Variants in GDAP1L1 observed in about 807,000 individuals in gnomAD.
GDAP1L1 encodes the protein ganglioside-induced differentiation-associated protein 1-like 1.
GDAP1L1 carries 21 observed loss-of-function variants against 37.1 expected under a neutral mutation model. The observed-to-expected ratio is 0.57, with a 90% CI of 0.40 to 0.81. The LOEUF is 0.81. Among genes scored for constraint, GDAP1L1 ranks in the 40% least tolerant of loss-of-function variants. The pLI, the probability that GDAP1L1 is intolerant of heterozygous loss-of-function variation, is 0.00. For missense variants in GDAP1L1, 362 were observed against 491.6 expected (o/e 0.74, Z 2.49); for synonymous variants, 193 against 209.1 (o/e 0.92, Z 0.67).
intron 2 of GDAP1L1, 64 bp downstream of exon 2, chr20:44,257,409 C>T (rs2073579580): frequency 1.4e-6 from 2 of 1,454,532 alleles, no homozygotes; most frequent in Admixed American, 3.9e-5. Context: ...TCCCCACAGG[C>T]TCAGACGGGG....
intron 1 of GDAP1L1, among the ~76,000 whole-genome samples, chr20:44,252,373 C>G (rs930424802): frequency 3.5e-4 from 54 of 152,148 alleles, no homozygotes; most frequent in Admixed American, 3.0e-3. Context: ...GGCGTGGTGG[C>G]TCGCGCCTGT....
At chr20:44,269,945 G>C (rs1186860872) in intron 5 of GDAP1L1, among the ~76,000 whole-genome samples, 3 of 152,148 alleles carry the variant, frequency 2.0e-5, no homozygotes, top group Admixed American at 6.5e-5. Flanking sequence ...ACCCAAGAGA[G>C]AATGTCACAG....
rs565291160 is a variant in GDAP1L1 at position 44,265,560 on chromosome 20, T to C, written c.760+1001T>C. ...ACTTGAAATAGAGTTCCAGCTTTGC[T>C]GCCTCAAATATGTAACCTTGGACAA... On this transcript the variant is annotated intron_variant, in intron 5 of 5. Coordinates refer to ENST00000342560, the MANE Select transcript of GDAP1L1 (RefSeq NM_024034.6). The C allele has an allele frequency of 3.5e-6, 3 of 852,660 alleles. No homozygotes were observed. The African/African-American group carries it at 5.5e-5, about 16-fold the overall frequency. The allele number at this position is 852,660 out of a possible 1,614,324, so 52.8% of individuals were successfully genotyped here.
chr20:44,267,632 G>T (rs1425847205), intron 5 of GDAP1L1, among the ~76,000 whole-genome samples: 1 of 147,416 alleles, frequency 6.8e-6, no homozygotes, highest in East Asian at 2.1e-4. Context: ...AAAAAAAAAA[G>T]GCAGGGGGTG....
Position 44,278,799 on chromosome 20 carries a change from C to T in GDAP1L1, c.761-158C>T, listed in dbSNP as rs143804537. On this transcript the variant is annotated intron_variant, in intron 5 of 5. Coordinates refer to ENST00000342560, the MANE Select transcript of GDAP1L1 (RefSeq NM_024034.6). ...AACAAAAAAATAATAATAGAAGTAG[C>T]ATGAGGATATGGCAAAAATCACTGA... Among the ~76,000 whole-genome samples, 204 of 152,258 alleles carry T rather than the reference C, an allele frequency of 1.3e-3. 1 individual carries two copies. The highest frequency in any genetic ancestry group is 4.6e-3 in the African/African-American group (190 of 41,564).
intron 1 of GDAP1L1, 59 bp downstream of exon 1, chr20:44,247,573 C>T: frequency 1.4e-6 from 2 of 1,427,378 alleles, no homozygotes; most frequent in Non-Finnish European, 1.9e-6. Flanking sequence ...GAGGGGAGCC[C>T]CAGGGCTTGA....
At chr20:44,270,464 C>T (rs2062503183) in intron 5 of GDAP1L1, among the ~76,000 whole-genome samples, 1 of 152,198 alleles carries the variant, frequency 6.6e-6, no homozygotes, top group Admixed American at 6.5e-5. Flanking sequence ...GCCACCGCGC[C>T]CGGCCTGTCT....
At chr20:44,249,448 G>T (rs1378431811) in intron 1 of GDAP1L1, among the ~76,000 whole-genome samples, 2 of 152,186 alleles carry the variant, frequency 1.3e-5, no homozygotes, top group Non-Finnish European at 2.9e-5. Context: ...CCTCATTCAA[G>T]GAGCCTGGGG....
chr20:44,260,400 C>A (rs1047023137), intron 3 of GDAP1L1, among the ~76,000 whole-genome samples: 5 of 151,874 alleles, frequency 3.3e-5, no homozygotes, highest in African/African-American at 1.2e-4. Context: ...CAGAAGCTGC[C>A]AATAGTTTGT....
chr20:44,271,130 A>C (rs547175658), intron 5 of GDAP1L1, among the ~76,000 whole-genome samples: 3 of 152,244 alleles, frequency 2.0e-5, no homozygotes, highest in East Asian at 3.9e-4. Context: ...TGGATGTAGT[A>C]GTACATGCCT....
In GDAP1L1 at chr20:44,257,267, C is replaced by G; in HGVS notation, c.295C>G (p.Pro99Ala). The change falls in exon 2 of 6, where the codon CCC becomes GCC. Residue 99 changes from proline to alanine, a missense_variant. Coordinates refer to ENST00000342560, the MANE Select transcript of GDAP1L1 (RefSeq NM_024034.6). ...FMRLNLGEEVPVIIHRDNIIS... is the reference protein window; with the variant it reads ...FMRLNLGEEVAVIIHRDNIIS... The stretch of plus-strand genomic sequence containing the variant: ...GCGGCTCAACCTGGGCGAGGAGGTG[C>G]CCGTCATCATCCACCGCGACAACAT... The G allele has an allele frequency of 3.1e-6, 5 of 1,613,854 alleles. No individual in the cohort carries two copies. Among genetic ancestry groups the G allele is most frequent in the Non-Finnish European group, 4.2e-6 (5 of 1,179,934 alleles).
chr20:44,259,606 C>T (rs2073636617), intron 3 of GDAP1L1, among the ~76,000 whole-genome samples: 1 of 151,928 alleles, frequency 6.6e-6, no homozygotes. Context: ...AGCGATTCTC[C>T]CACCTCAGCC....
At chr20:44,255,075 G>T (rs2073513406) in intron 1 of GDAP1L1, among the ~76,000 whole-genome samples, 2 of 152,170 alleles carry the variant, frequency 1.3e-5, no homozygotes, top group African/African-American at 4.8e-5. Context: ...AGGCTTCCAA[G>T]TCAAAGTCTG....
intron 1 of GDAP1L1, among the ~76,000 whole-genome samples, chr20:44,252,151 C>T (rs2073456944): frequency 6.6e-6 from 1 of 152,240 alleles, no homozygotes; most frequent in African/African-American, 2.4e-5. Context: ...ATTTTCCCAT[C>T]CTAGTTCAAG....
At chr20:44,251,739 C>T (rs1001884972) in intron 1 of GDAP1L1, among the ~76,000 whole-genome samples, 1 of 152,192 alleles carries the variant, frequency 6.6e-6, no homozygotes, top group Non-Finnish European at 1.5e-5. Flanking sequence ...CCTGCAGGGT[C>T]CTAACCTTGC....
Position 44,250,300 on chromosome 20 carries a change from G to A in GDAP1L1, c.180+2786G>A, listed in dbSNP as rs115184826. Among the ~76,000 whole-genome samples the A allele has an allele frequency of 5.0e-3, 757 of 152,256 alleles. 5 individuals carry two copies. Among genetic ancestry groups the A allele is most frequent in the African/African-American group, 0.016 (667 of 41,546 alleles). On this transcript the variant is annotated intron_variant, in intron 1 of 5. Transcript: ENST00000342560. ...TACCACTGACCAGCTGGGTAATCCCGTGCAAGCTGCTTAACCTCTCATGCC... is the reference window on the plus strand; with the variant it reads ...TACCACTGACCAGCTGGGTAATCCCATGCAAGCTGCTTAACCTCTCATGCC...
chr20:44,247,273 T>C (rs2073345627), upstream of GDAP1L1: 4 of 1,548,054 alleles, frequency 2.6e-6, no homozygotes, highest in Non-Finnish European at 3.6e-6. Context: ...CATGTGATGC[T>C]GGGCGAGAGA....
In GDAP1L1 at chr20:44,263,268, G is replaced by C; in HGVS notation, c.586G>C (p.Asp196His). The C allele has an allele frequency of 6.2e-7, 1 of 1,614,088 alleles. No homozygotes were observed. Among genetic ancestry groups the C allele is most frequent in the South Asian group, 1.1e-5 (1 of 91,068 alleles). The change falls in exon 4 of 6, where the codon GAC becomes CAC. Residue 196 changes from aspartate (D) to histidine (H), a missense_variant. Asp to His is a moderately conservative substitution (Grantham distance 81). Around this residue, in one of 2 missense-constraint regions of GDAP1L1, gnomAD observed 277 missense variants for 337.1 expected, o/e 0.82. Coordinates refer to ENST00000342560, the MANE Select transcript of GDAP1L1 (RefSeq NM_024034.6). Reference protein sequence around the residue: ...ANATTDLMKLDHEEEPQLSEP... With the variant: ...ANATTDLMKLHHEEEPQLSEP... Reference sequence around the variant, plus strand: ...TGCCACCACGGACCTCATGAAACTGGACCATGAAGAGGAGCCCCAGCTCTC... The same window carrying C: ...TGCCACCACGGACCTCATGAAACTGCACCATGAAGAGGAGCCCCAGCTCTC...
intron 1 of GDAP1L1, 87 bp from the exon 2 acceptor site, chr20:44,257,066 C>T: frequency 7.3e-7 from 1 of 1,370,996 alleles, no homozygotes; most frequent in South Asian, 1.4e-5. Flanking sequence ...TGACCTCTGA[C>T]CTCCCTCCCC....
Sources: allele counts gnomAD v4.1 joint callset (sites outside exome capture counted in the v4.1 genomes callset), GRCh38; gene constraint gnomAD v4.1.1; regional missense constraint gnomAD v4.1.1; transcripts MANE v1.5; gene names NCBI Gene and HGNC (gene_info 2026-07-23, HGNC 2026-07-21).